MAML1: variants seen among roughly 807,000 people sequenced by gnomAD.
MAML1 encodes mastermind like transcriptional coactivator 1, also known as mastermind-like protein 1.
Under a neutral mutation model 77.1 loss-of-function variants are expected in MAML1, and 14 were observed. That is an observed-to-expected ratio of 0.18 (90% CI 0.12 to 0.28). The LOEUF (loss-of-function observed/expected upper bound fraction) is 0.28. Ranked by LOEUF, MAML1 falls within the 10% of genes least tolerant of loss-of-function variation. The pLI, the probability that MAML1 is intolerant of heterozygous loss-of-function variation, is 1.00. For synonymous variants in MAML1, 516 were observed against 551.9 expected, an observed-to-expected ratio of 0.93 and a Z score of 0.91; for missense variants, 1,217 against 1,327.8, an observed-to-expected ratio of 0.92 and a Z score of 1.30.
intron 1 of MAML1, among the ~76,000 whole-genome samples, chr5:179,744,424 G>A (rs1388224439): frequency 6.6e-6 from 1 of 152,042 alleles, no homozygotes; most frequent in African/African-American, 2.4e-5. Flanking sequence ...CTGACCTCAT[G>A]ATCCACCTGC....
intron 4 of MAML1, among the ~76,000 whole-genome samples, chr5:179,773,060 T>C (rs956272004): frequency 2.6e-5 from 4 of 152,208 alleles, no homozygotes; most frequent in African/African-American, 9.7e-5. Flanking sequence ...AATTTTTGTA[T>C]TTTTAGTAGA....
In MAML1 at chr5:179,773,930, G is replaced by C. The variant is rs1316979160; in HGVS notation, c.2104G>C (p.Gly702Arg). The change falls in exon 5 of 5, where the codon GGT (glycine) becomes CGT (arginine). Residue 702 changes from glycine (G) to arginine (R), a missense_variant. Coordinates refer to ENST00000292599, the MANE Select transcript of MAML1 (RefSeq NM_014757.5). ...SAAVPGMNTL[G>R]PSNSSCPRVF... is the part of the protein sequence containing the mutation. ...TGCCGTGCCCGGCATGAACACCTTG[G>C]GTCCATCCAACTCCAGCTGTCCTCG... The C allele has an allele frequency of 6.2e-7, 1 of 1,614,158 alleles. No homozygotes were observed. The highest frequency in any genetic ancestry group is 2.2e-5 in the East Asian group (1 of 44,886).
At chr5:179,734,536 A>G (rs1779129188) in intron 1 of MAML1, among the ~76,000 whole-genome samples, 1 of 152,200 alleles carries the variant, frequency 6.6e-6, no homozygotes, top group Non-Finnish European at 1.5e-5. Context: ...AGAAGAAAAA[A>G]AACCACTCAG....
In MAML1 at chr5:179,754,414, A is replaced by T. The variant is rs115830272; in HGVS notation, c.316-10912A>T. Among the ~76,000 whole-genome samples, 754 of 152,194 alleles carry T rather than the reference A, an allele frequency of 5.0e-3. 8 individuals carry two copies. The highest frequency in any genetic ancestry group is 0.017 in the African/African-American group (720 of 41,538). On this transcript the variant is annotated intron_variant, in intron 1 of 4. Coordinates refer to ENST00000292599, the MANE Select transcript of MAML1 (RefSeq NM_014757.5). The stretch of plus-strand genomic sequence containing the variant: ...GTTCCAGATCAGCTTGGGAAACATA[A>T]TGAGACCCCATTTATTTGAATAGTA...
At chr5:179,736,284 C>T (rs927255275) in intron 1 of MAML1, among the ~76,000 whole-genome samples, 7 of 151,630 alleles carry the variant, frequency 4.6e-5, no homozygotes, top group Non-Finnish European at 8.8e-5. Context: ...TAGGGAGTTT[C>T]GCTTTGTCGC....
At chr5:179,744,063 A>G (rs7712695) in intron 1 of MAML1, among the ~76,000 whole-genome samples, 2,079 of 152,272 alleles carry the variant, frequency 0.014, 40 homozygotes, top group African/African-American at 0.044. Flanking sequence ...TTCTCCTGGA[A>G]CTTGCATTCT....
chr5:179,737,944 G>A (rs1286866437), intron 1 of MAML1, among the ~76,000 whole-genome samples: 1 of 119,076 alleles, frequency 8.4e-6, no homozygotes, highest in Non-Finnish European at 2.0e-5. Flanking sequence ...CTACAGGTGT[G>A]CACCACCGCA....
At position 179,756,185 on chromosome 5, in the gene MAML1, G is replaced by C. The variant is rs1779611429; in HGVS notation, c.316-9141G>C. ...TCATGCCTGTAATCCCAGCACTTTT[G>C]GAGGCCGAGGCAGGTGGATCACGAG... On this transcript the variant is annotated intron_variant, in intron 1 of 4. Transcript: ENST00000292599. 2.0e-5 allele frequency among the ~76,000 whole-genome samples: 3 copies of C among 151,658 alleles called. No homozygotes were observed. In the South Asian group the frequency reaches 6.2e-4, roughly 32 times the overall value.
chr5:179,749,529 G>A (rs1465311390), intron 1 of MAML1, among the ~76,000 whole-genome samples: 1 of 152,154 alleles, frequency 6.6e-6, no homozygotes, highest in Non-Finnish European at 1.5e-5. Flanking sequence ...CCAAAGTGGT[G>A]GGATTACAGG....
chr5:179,775,476 C>G lies in MAML1; in HGVS notation c.*599C>G, dbSNP rs914112144. 3.0e-6 allele frequency: 3 copies of G among 985,170 alleles called. No individual in the cohort carries two copies. The African/African-American group carries it at 5.2e-5, about 17-fold the overall frequency. 61.0% of individuals were successfully genotyped at this position (985,170 alleles called of 1,614,324 possible). On this transcript the variant is annotated 3_prime_UTR_variant, in exon 5 of 5. Coordinates refer to ENST00000292599, the MANE Select transcript of MAML1 (RefSeq NM_014757.5). ...TGTCAGCTTTCAGGGGAGAAGGAGGCCACTGGAAAATTATTTCCCTAAGTG... is the reference window on the plus strand; with the variant it reads ...TGTCAGCTTTCAGGGGAGAAGGAGGGCACTGGAAAATTATTTCCCTAAGTG...
intron 4 of MAML1, 64 bp from the exon 5 acceptor site, chr5:179,773,831 T>C (rs1377831898): frequency 6.5e-7 from 1 of 1,539,360 alleles, no homozygotes; most frequent in African/African-American, 1.4e-5. Context: ...GTGCTGCGGC[T>C]CGAGTCTCAG....
intron 1 of MAML1, among the ~76,000 whole-genome samples, chr5:179,746,452 A>C (rs566463816): frequency 3.3e-5 from 5 of 151,974 alleles, no homozygotes; most frequent in African/African-American, 1.2e-4. Context: ...GGCTCACCGC[A>C]ACCTCTGCCT....
intron 1 of MAML1, among the ~76,000 whole-genome samples, chr5:179,748,475 T>G (rs2113348147): frequency 6.6e-6 from 1 of 152,070 alleles, no homozygotes; most frequent in African/African-American, 2.4e-5. Context: ...ACTGTGATTT[T>G]ATAAACCACA....
In MAML1 at chr5:179,733,185, C is replaced by T; in HGVS notation, c.73C>T (p.Arg25Trp). ...RHSAVMERLR[R>W]RIELCRRHHS... ...CAGCGCGGTCATGGAGCGCCTTCGC[C>T]GGCGCATCGAGCTGTGCCGGCGCCA... Residue 25 changes from arginine (R) to tryptophan (W), a missense_variant, in exon 1 of 5, where the codon CGG (arginine) becomes TGG (tryptophan). Physicochemically the swap from Arg to Trp is moderately radical, Grantham distance 101. Transcript: ENST00000292599. The T allele has an allele frequency of 3.4e-6, 5 of 1,472,878 alleles. No homozygotes were observed. Among genetic ancestry groups the T allele is most frequent in the Non-Finnish European group, 4.5e-6 (5 of 1,115,368 alleles). 91.2% of individuals were successfully genotyped at this position (1,472,878 alleles called of 1,614,324 possible). A position where few individuals can be genotyped will look rare whatever the true frequency, so the allele number is the denominator to read the frequency against.
chr5:179,769,829 A>G lies in MAML1; in HGVS notation c.1971+740A>G, dbSNP rs1421420114. ...CGGCCTCCCAAAGTGCTGAGATTAC[A>G]GGCGTGAGCCACCACGCCTGGCCTT... On this transcript the variant is annotated intron_variant, in intron 3 of 4. Transcript: ENST00000292599. The surrounding 1 kb of genome is among the most constrained non-coding windows in gnomAD (Gnocchi z 4.2). 6.6e-6 allele frequency among the ~76,000 whole-genome samples: 1 copy of G among 152,122 alleles called. No homozygotes were observed. Among genetic ancestry groups the G allele is most frequent in the Non-Finnish European group, 1.5e-5 (1 of 68,008 alleles).
chr5:179,766,094 A>T lies in MAML1; in HGVS notation c.1084A>T (p.Asn362Tyr). ...GQPRADNPSP[N>Y]LMPASAQAQN... Reference sequence around the variant, plus strand: ...GCCCCGGGCGGACAATCCCAGTCCAAACCTGATGCCGGCATCAGCCCAGGC... The same window carrying T: ...GCCCCGGGCGGACAATCCCAGTCCATACCTGATGCCGGCATCAGCCCAGGC... Residue 362 changes from asparagine to tyrosine, a missense_variant, in exon 2 of 5, where the codon AAC (asparagine) becomes TAC (tyrosine). Asn to Tyr is a moderately radical substitution (Grantham distance 143). Coordinates refer to ENST00000292599, the MANE Select transcript of MAML1 (RefSeq NM_014757.5). The surrounding 1 kb of genome is among the most constrained non-coding windows in gnomAD (Gnocchi z 4.0). 1 of 1,584,386 alleles carries T rather than the reference A, an allele frequency of 6.3e-7. No homozygotes were observed. Among genetic ancestry groups the T allele is most frequent in the South Asian group, 1.2e-5 (1 of 86,414 alleles).
At chr5:179,753,719 G>A (rs941696891) in intron 1 of MAML1, among the ~76,000 whole-genome samples, 84 of 135,032 alleles carry the variant, frequency 6.2e-4, no homozygotes, top group Middle Eastern at 9.3e-3. Context: ...GCAGTGCAAT[G>A]GTGTGCGATA....
chr5:179,772,674 C>G (rs374182385), intron 4 of MAML1, among the ~76,000 whole-genome samples: 17 of 152,078 alleles, frequency 1.1e-4, no homozygotes, highest in African/African-American at 3.6e-4. Context: ...TAATTTCCTG[C>G]GACTCCTCCC....
At chr5:179,741,683 C>CAAAAA (rs10617185) in intron 1 of MAML1, among the ~76,000 whole-genome samples, 295 of 89,306 alleles carry the variant, frequency 3.3e-3, no homozygotes, top group African/African-American at 0.012. Context: ...GAGACTGTCT[C>CAAAAA]AAAAAAAAAA....
Sources: gnomAD v4.1 joint callset for allele counts (sites outside exome capture counted in the v4.1 genomes callset) on GRCh38, gnomAD v4.1.1 for gene constraint, Gnocchi (gnomAD v3.1) non-coding constraint, MANE v1.5 for transcripts, NCBI Gene and HGNC (gene_info 2026-07-23, HGNC 2026-07-21) for gene names.